The following PXK variants were observed in gnomAD, a reference collection of about 807,000 sequenced individuals.
PXK encodes the protein PX domain-containing protein kinase-like protein.
A neutral mutation model predicts 84.7 loss-of-function variants in PXK; 35 were observed. That is an observed-to-expected ratio of 0.41 (90% CI 0.32 to 0.55). The LOEUF is 0.55. Ranked by LOEUF, PXK falls within the 20% of genes least tolerant of loss-of-function variation. The pLI is 0.21. For missense variants in PXK, 634 were observed against 699.7 expected (o/e 0.91, Z 1.06); for synonymous variants, 253 against 260.8 (o/e 0.97, Z 0.29).
rs1329910818 is a variant in PXK at position 58,425,538 on chromosome 3, T to G, written c.*578T>G. ...AATGGGGAACGTTCACAACATTCTC[T>G]TAAGTTCTAACAGGAATACCATTGT... On this transcript the variant is annotated 3_prime_UTR_variant, in exon 18 of 18. Coordinates refer to ENST00000356151, the MANE Select transcript of PXK (RefSeq NM_017771.5). The G allele has an allele frequency of 6.5e-6, 1 of 154,232 alleles. No individual in the cohort carries two copies. Among genetic ancestry groups the G allele is most frequent in the African/African-American group, 2.4e-5 (1 of 41,472 alleles). The allele number at this position is 154,232 out of a possible 1,614,324, so 9.6% of individuals were successfully genotyped here. A position where few individuals can be genotyped will look rare whatever the true frequency, so the allele number is the denominator to read the frequency against.
intron 7 of PXK, among the ~76,000 whole-genome samples, chr3:58,392,836 A>G (rs1367863503): frequency 6.6e-6 from 1 of 151,548 alleles, no homozygotes; most frequent in Non-Finnish European, 1.5e-5. Context: ...TAATTTTTGT[A>G]TTTTTAGTAG....
chr3:58,409,121 A>G lies in PXK; in HGVS notation c.1308+120A>G. ...ATTTTAAGCATACTTACTCTCAGCC[A>G]GCCTTTAGGCTAAATGCTTCCCTGC... On this transcript the variant is annotated intron_variant, in intron 14 of 17. Coordinates refer to ENST00000356151, the MANE Select transcript of PXK (RefSeq NM_017771.5). The surrounding 1 kb of genome is among the most constrained non-coding windows in gnomAD (Gnocchi z 4.2). The G allele has an allele frequency of 3.9e-6, 3 of 765,580 alleles. No homozygotes were observed. The East Asian group carries it at 8.0e-5, about 21-fold the overall frequency. The allele number at this position is 765,580 out of a possible 1,614,324, so 47.4% of individuals were successfully genotyped here.
chr3:58,386,620 T>C (rs35385244), intron 4 of PXK, among the ~76,000 whole-genome samples: 1 of 152,076 alleles, frequency 6.6e-6, no homozygotes, highest in African/African-American at 2.4e-5. Flanking sequence ...TTTAACAAGG[T>C]ACTTCTATCA....
chr3:58,397,834 G>T lies in PXK; in HGVS notation c.1102+112G>T. ...AGGAAGTTGCTGTCCTCCACAGCCA[G>T]AAATTCTTACAAAATTTAAAAGTAG... is the stretch of plus-strand genomic sequence containing the variant. On this transcript the variant is annotated intron_variant, in intron 11 of 17. Coordinates refer to ENST00000356151, the MANE Select transcript of PXK (RefSeq NM_017771.5). The surrounding 1 kb of genome is among the most constrained non-coding windows in gnomAD (Gnocchi z 4.7). 1 of 788,652 alleles carries T rather than the reference G, an allele frequency of 1.3e-6. No homozygotes were observed. The highest frequency in any genetic ancestry group is 2.0e-6 in the Non-Finnish European group (1 of 498,762). 48.9% of individuals were successfully genotyped at this position (788,652 alleles called of 1,614,324 possible).
rs1276530508 is a variant in PXK at position 58,407,364 on chromosome 3, T to C, written c.1231-1560T>C. On this transcript the variant is annotated intron_variant, in intron 13 of 17. Coordinates refer to ENST00000356151, the MANE Select transcript of PXK (RefSeq NM_017771.5). This position sits in a 1 kb window ranked among gnomAD's most constrained non-coding sequence, Gnocchi z 4.3. ...CATTTGTATATTTTCTTTAGAGAAA[T>C]GTCTATGTCTTTTGCCTCTTTTTAA... 6.6e-6 allele frequency among the ~76,000 whole-genome samples: 1 copy of C among 152,210 alleles called. No individual in the cohort carries two copies. The highest frequency in any genetic ancestry group is 2.4e-5 in the African/African-American group (1 of 41,444).
At chr3:58,353,218 T>A (rs572080782) in intron 1 of PXK, among the ~76,000 whole-genome samples, 4 of 152,220 alleles carry the variant, frequency 2.6e-5, no homozygotes, top group Admixed American at 6.5e-5. Flanking sequence ...AGAATGGTCT[T>A]GATCTCCTGA....
chr3:58,377,957 G>A (rs1415133767), intron 3 of PXK, among the ~76,000 whole-genome samples: 1 of 152,210 alleles, frequency 6.6e-6, no homozygotes, highest in Non-Finnish European at 1.5e-5. Flanking sequence ...TGCCCCCAGA[G>A]TGGGGTGAAG....
chr3:58,422,180 A>C, intron 17 of PXK: 1 of 985,438 alleles, frequency 1.0e-6, no homozygotes, highest in Non-Finnish European at 1.2e-6. Context: ...GGAAAAGCCA[A>C]AAACAATCAA....
At chr3:58,338,496 G>T (rs2097665143) in intron 1 of PXK, among the ~76,000 whole-genome samples, 1 of 147,332 alleles carries the variant, frequency 6.8e-6, no homozygotes, top group Admixed American at 6.8e-5. Context: ...GGTGGGGTGT[G>T]CCTGTAATCC....
chr3:58,376,062 G>A (rs1396508757), intron 3 of PXK, among the ~76,000 whole-genome samples: 4 of 152,116 alleles, frequency 2.6e-5, no homozygotes, highest in Non-Finnish European at 5.9e-5. Context: ...TAGGTCTTTA[G>A]AAGTTTGCTG....
intron 13 of PXK, among the ~76,000 whole-genome samples, chr3:58,406,947 T>G (rs1229608690): frequency 6.6e-6 from 1 of 152,254 alleles, no homozygotes; most frequent in Non-Finnish European, 1.5e-5. Context: ...CACACTTTTT[T>G]TATCCATTCA....
At chr3:58,377,478 G>A (rs571365856) in intron 3 of PXK, among the ~76,000 whole-genome samples, 1 of 152,044 alleles carries the variant, frequency 6.6e-6, no homozygotes, top group East Asian at 1.9e-4. Context: ...TTAAAATGCC[G>A]ATCTCATGCT....
intron 17 of PXK, chr3:58,423,135 C>T: frequency 2.0e-6 from 2 of 985,318 alleles, no homozygotes; most frequent in Non-Finnish European, 2.4e-6. Context: ...TCCCCTCCTC[C>T]TGGTATTTCA....
At chr3:58,371,620 GTTTTATC>G (rs1348893912) in intron 3 of PXK, among the ~76,000 whole-genome samples, 5 of 152,172 alleles carry the variant, frequency 3.3e-5, no homozygotes, top group African/African-American at 1.2e-4. Flanking sequence ...GGGGAGGGGA[GTTTTATC>G]TCTCATTTAC....
At chr3:58,334,949 G>GTGTGTC (rs1553732652) in intron 1 of PXK, among the ~76,000 whole-genome samples, 311 of 130,432 alleles carry the variant, frequency 2.4e-3, no homozygotes, top group African/African-American at 9.0e-3. Flanking sequence ...GTGTGTGTGT[G>GTGTGTC]TGTGTGTGTC....
chr3:58,417,871 T>G (rs1241472341), intron 17 of PXK, among the ~76,000 whole-genome samples: 1 of 152,212 alleles, frequency 6.6e-6, no homozygotes, highest in Non-Finnish European at 1.5e-5. Context: ...AGACAGGGTC[T>G]CTCTCTGTCA....
chr3:58,339,793 C>G (rs2097695128), intron 1 of PXK, among the ~76,000 whole-genome samples: 1 of 150,948 alleles, frequency 6.6e-6, no homozygotes, highest in Admixed American at 6.6e-5. Context: ...GGATTGTGAT[C>G]TTGAGATTGT....
intron 17 of PXK, chr3:58,423,572 T>G (rs2062295841): frequency 6.6e-7 from 1 of 1,516,770 alleles, no homozygotes. Context: ...CTGAGTATTG[T>G]GTTGGTGATT....
At chr3:58,372,945 AC>A (rs1576200294) in intron 3 of PXK, among the ~76,000 whole-genome samples, 2 of 152,194 alleles carry the variant, frequency 1.3e-5, no homozygotes, top group East Asian at 3.9e-4. Flanking sequence ...GAGACAGCAT[AC>A]AACGAAGGGA....
Sources: allele counts gnomAD v4.1 joint callset (sites outside exome capture counted in the v4.1 genomes callset), GRCh38; gene constraint gnomAD v4.1.1; non-coding constraint Gnocchi (gnomAD v3.1); transcripts MANE v1.5; gene names NCBI Gene and HGNC (gene_info 2026-07-23, HGNC 2026-07-21).